Variants in IGFBP7 observed in about 807,000 individuals in gnomAD.
IGFBP7 encodes insulin-like growth factor-binding protein 7.
IGFBP7 carries 31 observed loss-of-function variants against 29.4 expected under a neutral mutation model. That is an observed-to-expected ratio of 1.05 (90% CI 0.79 to 1.42). The LOEUF (loss-of-function observed/expected upper bound fraction) is 1.42. Among genes scored for constraint, IGFBP7 ranks in the 40% most tolerant of loss-of-function variants. The probability of loss-of-function intolerance (pLI) is 0.00; values close to 1 mark genes in which losing one functional copy is unlikely to be tolerated. For synonymous variants in IGFBP7, 172 were observed against 174.9 expected, an observed-to-expected ratio of 0.98 and a Z score of 0.13; for missense variants, 393 against 395.5, an observed-to-expected ratio of 0.99 and a Z score of 0.05.
chr4:57,089,172 A>T (rs1011418482), intron 1 of IGFBP7, among the ~76,000 whole-genome samples: 7 of 152,222 alleles, frequency 4.6e-5, no homozygotes, highest in Admixed American at 3.9e-4. Context: ...TAAGCTTAAA[A>T]ACACTACAAT....
At chr4:57,068,771 T>C (rs988279049) in intron 1 of IGFBP7, among the ~76,000 whole-genome samples, 4 of 152,174 alleles carry the variant, frequency 2.6e-5, no homozygotes, top group Admixed American at 2.0e-4. Flanking sequence ...AAACCGGATA[T>C]ACAAGGAGAA....
At chr4:57,094,456 G>A (rs1344428353) in intron 1 of IGFBP7, among the ~76,000 whole-genome samples, 2 of 152,150 alleles carry the variant, frequency 1.3e-5, no homozygotes, top group Non-Finnish European at 2.9e-5. Flanking sequence ...GGAAGGCTGT[G>A]CAGAGAAATG....
intron 1 of IGFBP7, among the ~76,000 whole-genome samples, chr4:57,093,856 G>T (rs1725694645): frequency 6.6e-6 from 1 of 152,142 alleles, no homozygotes; most frequent in African/African-American, 2.4e-5. Context: ...TCTAGCCATA[G>T]TTACATTATG....
chr4:57,040,714 C>CG (rs771052576), intron 2 of IGFBP7, 110 bp downstream of exon 2: 1 of 813,388 alleles, frequency 1.2e-6, no homozygotes, highest in Non-Finnish European at 2.1e-6. Flanking sequence ...CTTCACCTTG[C>CG]GGGAGCCGCA....
intron 1 of IGFBP7, among the ~76,000 whole-genome samples, chr4:57,041,585 G>C (rs1724227658): frequency 6.6e-6 from 1 of 151,990 alleles, no homozygotes; most frequent in Non-Finnish European, 1.5e-5. Flanking sequence ...ACCCAGGCTG[G>C]AGCGCAGTGG....
In IGFBP7 at chr4:57,110,352, G is replaced by A. The variant is rs1416304177; in HGVS notation, c.-1C>T. On this transcript the variant is annotated 5_prime_UTR_variant, in exon 1 of 5. Coordinates refer to ENST00000295666, the MANE Select transcript of IGFBP7 (RefSeq NM_001553.3). Reference sequence around the variant, plus strand: ...GGGCGCGCAGCGACGGCCGCTCCATGGCGGGGTGCGGTGGCAGCGGCAAGG... The same window carrying A: ...GGGCGCGCAGCGACGGCCGCTCCATAGCGGGGTGCGGTGGCAGCGGCAAGG... The A allele has an allele frequency of 3.0e-6, 4 of 1,352,312 alleles. No homozygotes were observed. The Admixed American group carries it at 9.4e-5, about 32-fold the overall frequency. 83.8% of individuals were successfully genotyped at this position (1,352,312 alleles called of 1,614,324 possible). A position where few individuals can be genotyped will look rare whatever the true frequency, so the allele number is the denominator to read the frequency against.
chr4:57,081,042 T>G (rs977734626), intron 1 of IGFBP7, among the ~76,000 whole-genome samples: 1 of 152,192 alleles, frequency 6.6e-6, no homozygotes, highest in African/African-American at 2.4e-5. Context: ...TTTCCTTTCC[T>G]GGAAGTCAAC....
At chr4:57,078,459 G>A (rs567819082) in intron 1 of IGFBP7, among the ~76,000 whole-genome samples, 117 of 151,884 alleles carry the variant, frequency 7.7e-4, no homozygotes, top group African/African-American at 2.2e-3. Flanking sequence ...ATGGGAAAGC[G>A]GTAAAACTCG....
rs184780548 is a variant in IGFBP7 at position 57,080,987 on chromosome 4, C to T, written c.475+28890G>A. The stretch of plus-strand genomic sequence containing the variant: ...CTGGCCAATGTTCTCAGAATGTCTC[C>T]GGTGGGCTGAGGATGCTGACAGATG... On this transcript the variant is annotated intron_variant, in intron 1 of 4. Coordinates refer to ENST00000295666, the MANE Select transcript of IGFBP7 (RefSeq NM_001553.3). Among the ~76,000 whole-genome samples, 389 of 152,322 alleles carry T rather than the reference C, an allele frequency of 2.6e-3. 2 individuals are homozygous for T. The highest frequency in any genetic ancestry group is 8.8e-3 in the African/African-American group (364 of 41,568).
rs1215754386 is a variant in IGFBP7 at position 57,110,287 on chromosome 4, G to GGCAGGA, written c.59_64dup (p.Leu20_Leu21dup). The GGCAGGA allele has an allele frequency of 7.0e-6, 10 of 1,427,528 alleles. No individual in the cohort carries two copies. The highest frequency in any genetic ancestry group is 2.5e-4 in the Middle Eastern group (1 of 4,018). The allele number at this position is 1,427,528 out of a possible 1,614,324, so 88.4% of individuals were successfully genotyped here. A position where few individuals can be genotyped will look rare whatever the true frequency, so the allele number is the denominator to read the frequency against. On this transcript the variant is annotated inframe_insertion, in exon 1 of 5. Transcript: ENST00000295666. ...GTCCGAAGAGGAGGAAGAGGAGAGG[G>GGCAGGA]GCAGGAGCAGGAGCAGCAGCCCAGC...
At chr4:57,057,149 G>A (rs1448536690) in intron 1 of IGFBP7, among the ~76,000 whole-genome samples, 2 of 152,146 alleles carry the variant, frequency 1.3e-5, no homozygotes, top group Non-Finnish European at 2.9e-5. Context: ...GGGACTACAG[G>A]CACATACCAC....
intron 1 of IGFBP7, among the ~76,000 whole-genome samples, chr4:57,060,378 T>C (rs1327653456): frequency 6.6e-6 from 1 of 152,216 alleles, no homozygotes; most frequent in East Asian, 1.9e-4. Context: ...TCAAGCTCTA[T>C]GTCTACTTGT....
At chr4:57,042,112 T>C (rs1375870145) in intron 1 of IGFBP7, among the ~76,000 whole-genome samples, 4 of 152,076 alleles carry the variant, frequency 2.6e-5, no homozygotes, top group Non-Finnish European at 4.4e-5. Context: ...GAATGATGCT[T>C]CTCCATTCCC....
intron 1 of IGFBP7, among the ~76,000 whole-genome samples, chr4:57,043,713 C>G (rs1578611149): frequency 1.3e-5 from 2 of 152,192 alleles, no homozygotes; most frequent in South Asian, 4.1e-4. Context: ...AAGCATATAT[C>G]CTGGCCAGGG....
chr4:57,035,516 G>A (rs2109737144), intron 2 of IGFBP7, among the ~76,000 whole-genome samples: 1 of 152,154 alleles, frequency 6.6e-6, no homozygotes, highest in East Asian at 1.9e-4. Context: ...GTGCAGTGGT[G>A]CGATCTCAGC....
At chr4:57,070,903 T>A (rs773902776) in intron 1 of IGFBP7, among the ~76,000 whole-genome samples, 12 of 152,202 alleles carry the variant, frequency 7.9e-5, no homozygotes, top group Non-Finnish European at 1.6e-4. Context: ...AACACACACA[T>A]CTCAATGTAT....
intron 1 of IGFBP7, among the ~76,000 whole-genome samples, chr4:57,065,817 C>A (rs752890685): frequency 6.6e-6 from 1 of 152,192 alleles, no homozygotes; most frequent in Non-Finnish European, 1.5e-5. Context: ...TCTCTGGTGG[C>A]CTCCTGGCCT....
chr4:57,074,856 G>A (rs1725182308), intron 1 of IGFBP7, among the ~76,000 whole-genome samples: 1 of 152,200 alleles, frequency 6.6e-6, no homozygotes, highest in African/African-American at 2.4e-5. Context: ...AAACAATATA[G>A]CATTATCTGC....
chr4:57,074,735 A>AAAAG (rs372318451), intron 1 of IGFBP7, among the ~76,000 whole-genome samples: 49 of 152,364 alleles, frequency 3.2e-4, no homozygotes, highest in African/African-American at 1.2e-3. Context: ...TCTTTCAATT[A>AAAAG]AAAGAAAGAA....
Sources: gnomAD v4.1 joint callset for allele counts (sites outside exome capture counted in the v4.1 genomes callset) on GRCh38, gnomAD v4.1.1 for gene constraint, MANE v1.5 for transcripts, NCBI Gene and HGNC (gene_info 2026-07-23, HGNC 2026-07-21) for gene names.